Variants in SH3BP2 observed in about 807,000 individuals in gnomAD.
SH3BP2 encodes SH3 domain-binding protein 2.
A neutral mutation model predicts 56.2 loss-of-function variants in SH3BP2; 38 were observed. The ratio of observed to expected loss-of-function variants is 0.68; its 90% CI spans 0.52 to 0.89. The LOEUF (loss-of-function observed/expected upper bound fraction) is 0.89. SH3BP2 is among the 40% of genes least tolerant of loss of function. The pLI is 0.00. For synonymous variants in SH3BP2, 346 were observed against 316.7 expected (o/e 1.09, Z -0.98); for missense variants, 748 against 762.6 (o/e 0.98, Z 0.23).
intron 11 of SH3BP2, 74 bp from the exon 12 acceptor site, chr4:2,832,916 C>A: frequency 2.7e-6 from 4 of 1,474,884 alleles, no homozygotes; most frequent in Non-Finnish European, 3.8e-6. Context: ...CCCCCCTATC[C>A]CCAGCCCATG....
At chr4:2,822,027 C>CTTAGT in intron 2 of SH3BP2, among the ~76,000 whole-genome samples, 1 of 151,968 alleles carries the variant, frequency 6.6e-6, no homozygotes, top group Non-Finnish European at 1.5e-5. Context: ...GCCACCACGC[C>CTTAGT]CAGCTAATTT....
chr4:2,818,166 G>A (rs1724087673), intron 1 of SH3BP2: 2 of 972,150 alleles, frequency 2.1e-6, no homozygotes, highest in African/African-American at 1.8e-5. Context: ...TCACCTGCCC[G>A]CCCAGTCCCC....
intron 12 of SH3BP2, 34 bp from the exon 13 acceptor site, chr4:2,833,663 C>T (rs766779729): frequency 9.3e-5 from 149 of 1,599,014 alleles, no homozygotes; most frequent in Non-Finnish European, 1.2e-4. Context: ...AGTGGCCTGG[C>T]CCTGCTGACG....
chr4:2,797,573 T>C lies in SH3BP2; in HGVS notation c.-5+4435T>C, dbSNP rs774173051. On this transcript the variant is annotated intron_variant, in intron 1 of 12. Coordinates refer to ENST00000503393, the MANE Select transcript of SH3BP2 (RefSeq NM_001122681.2). Reference sequence around the variant, plus strand: ...AAGCAATTTCAGCTGAAGACATAAGTGTCTGTCCTGCTTGGTGCTCAGGGT... The same window carrying C: ...AAGCAATTTCAGCTGAAGACATAAGCGTCTGTCCTGCTTGGTGCTCAGGGT... Among the ~76,000 whole-genome samples the C allele has an allele frequency of 9.5e-4, 145 of 152,162 alleles. 2 individuals are homozygous for C. The highest frequency in any genetic ancestry group is 2.0e-4 in the Admixed American group (3 of 15,276).
In SH3BP2 at chr4:2,803,218, G is replaced by T. The variant is rs1026085145; in HGVS notation, c.-5+10080G>T. Among the ~76,000 whole-genome samples the T allele has an allele frequency of 6.4e-4, 97 of 152,226 alleles. 1 individual carries two copies. The highest frequency in any genetic ancestry group is 6.2e-4 in the South Asian group (3 of 4,828). On this transcript the variant is annotated intron_variant, in intron 1 of 12. Transcript: ENST00000503393. ...GCTGCCTACACAGGGTGCCCATCGT[G>T]GTGGCTCCTGACCTCTGCCGTTGGC...
intron 1 of SH3BP2, among the ~76,000 whole-genome samples, chr4:2,802,458 GTGTA>G (rs1723329213): frequency 7.2e-6 from 1 of 139,532 alleles, no homozygotes; most frequent in African/African-American, 2.5e-5. Flanking sequence ...ATATATGTGT[GTGTA>G]TATATGTGTA....
intron 1 of SH3BP2, among the ~76,000 whole-genome samples, chr4:2,795,937 G>C (rs1235313122): frequency 6.6e-6 from 1 of 152,162 alleles, no homozygotes; most frequent in Non-Finnish European, 1.5e-5. Context: ...TCCCACGTGT[G>C]GGCTGCCTAA....
At chr4:2,824,844 G>A (rs753127716) in intron 4 of SH3BP2, 114 bp downstream of exon 4, 29 of 846,138 alleles carry the variant, frequency 3.4e-5, no homozygotes, top group African/African-American at 2.8e-4. Flanking sequence ...TCTCAGCCCC[G>A]GGCAAAGAGA....
intron 3 of SH3BP2, among the ~76,000 whole-genome samples, chr4:2,824,199 C>T (rs1030172282): frequency 1.3e-5 from 2 of 152,178 alleles, no homozygotes; most frequent in African/African-American, 2.4e-5. Flanking sequence ...AGAGCAGGCA[C>T]GAGTCATTCC....
chr4:2,821,941 C>T, intron 2 of SH3BP2, among the ~76,000 whole-genome samples: 1 of 152,058 alleles, frequency 6.6e-6, no homozygotes, highest in East Asian at 1.9e-4. Context: ...GATCTCAGCT[C>T]ACTGTAACGT....
intron 1 of SH3BP2, chr4:2,811,790 A>G (rs1480565689): frequency 1.2e-5 from 2 of 161,476 alleles, no homozygotes; most frequent in Admixed American, 5.8e-5. Flanking sequence ...GGGCACAGAG[A>G]TGGCCACCTT....
chr4:2,811,325 A>G (rs959815857), intron 1 of SH3BP2, among the ~76,000 whole-genome samples: 1 of 152,194 alleles, frequency 6.6e-6, no homozygotes, highest in Non-Finnish European at 1.5e-5. Context: ...GGCGGGCAAG[A>G]TGAGACCCCT....
chr4:2,833,162 G>C (rs1041892041), intron 12 of SH3BP2, 113 bp downstream of exon 12: 17 of 927,026 alleles, frequency 1.8e-5, no homozygotes, highest in Admixed American at 1.1e-4. Context: ...GGCACCTCCA[G>C]GATACCGCCC....
chr4:2,809,527 C>G (rs1723661395), intron 1 of SH3BP2, among the ~76,000 whole-genome samples: 1 of 152,092 alleles, frequency 6.6e-6, no homozygotes, highest in Non-Finnish European at 1.5e-5. Flanking sequence ...TACAGGGTCC[C>G]TGGGTGCCAG....
intron 1 of SH3BP2, chr4:2,796,426 GC>G: frequency 1.0e-6 from 1 of 985,478 alleles, no homozygotes; most frequent in African/African-American, 1.7e-5. Flanking sequence ...TGGTTTCCCG[GC>G]CCCCGATCAC....
chr4:2,823,725 C>T (rs1408425462), intron 3 of SH3BP2, among the ~76,000 whole-genome samples: 2 of 152,220 alleles, frequency 1.3e-5, no homozygotes, highest in Non-Finnish European at 1.5e-5. Flanking sequence ...ATCTATGCCT[C>T]TTACCACCCC....
chr4:2,808,238 C>T (rs970783152), intron 1 of SH3BP2, among the ~76,000 whole-genome samples: 9 of 152,182 alleles, frequency 5.9e-5, no homozygotes, highest in Non-Finnish European at 1.2e-4. Context: ...TCCTCGGTGC[C>T]CTTGGTGTGT....
intron 10 of SH3BP2, 52 bp downstream of exon 10, chr4:2,832,030 G>T: frequency 6.3e-7 from 1 of 1,576,488 alleles, no homozygotes; most frequent in Middle Eastern, 1.7e-4. Flanking sequence ...CCGGCTTCCT[G>T]CTTCTGTGTC....
intron 10 of SH3BP2, 74 bp downstream of exon 10, chr4:2,832,052 C>A: frequency 6.7e-7 from 1 of 1,498,984 alleles, no homozygotes; most frequent in Non-Finnish European, 9.2e-7. Context: ...CTCTCACTAG[C>A]TTCCGTGTTG....
Sources: gnomAD v4.1 joint callset for allele counts (sites outside exome capture counted in the v4.1 genomes callset) on GRCh38, gnomAD v4.1.1 for gene constraint, MANE v1.5 for transcripts, NCBI Gene and HGNC (gene_info 2026-07-23, HGNC 2026-07-21) for gene names.